FBXO7: variants seen among roughly 807,000 people sequenced by gnomAD.
FBXO7 encodes the protein F-box only protein 7.
A neutral mutation model predicts 50.2 loss-of-function variants in FBXO7; 31 were observed. The ratio of observed to expected loss-of-function variants is 0.62; its 90% CI spans 0.46 to 0.83. The LOEUF is 0.83. Ranked by LOEUF, FBXO7 falls within the 40% of genes least tolerant of loss-of-function variation. The pLI is 0.00. For missense variants in FBXO7, 667 were observed against 646.6 expected (o/e 1.03, Z -0.34); for synonymous variants, 256 against 253.1 (o/e 1.01, Z -0.11).
rs2057593612 is a variant in FBXO7 at position 32,498,537 on chromosome 22, T to C, written c.*7T>C. ...CCGGCTGTCATTCATGTGATTGATT[T>C]GTAATTTCATTTCTGGAGCTCCATT... On this transcript the variant is annotated 3_prime_UTR_variant, in exon 9 of 9. Coordinates refer to ENST00000266087, the MANE Select transcript of FBXO7 (RefSeq NM_012179.4). 1 of 1,610,948 alleles carries C rather than the reference T, an allele frequency of 6.2e-7. No individual in the cohort carries two copies. Among genetic ancestry groups the C allele is most frequent in the African/African-American group, 1.3e-5 (1 of 74,938 alleles).
intron 7 of FBXO7, among the ~76,000 whole-genome samples, chr22:32,494,172 T>C (rs116170137): frequency 0.012 from 1,756 of 151,972 alleles, 47 homozygotes; most frequent in African/African-American, 0.041. Context: ...TTTTTTTTCT[T>C]TTAAAATTTC....
rs542428529 is a variant in FBXO7 at position 32,475,627 on chromosome 22, T to C, written c.122+503T>C. The C allele has an allele frequency of 5.5e-6, 3 of 544,008 alleles. No individual in the cohort carries two copies. The African/African-American group carries it at 6.0e-5, about 11-fold the overall frequency. The allele number at this position is 544,008 out of a possible 1,614,324, so 33.7% of individuals were successfully genotyped here. A position where few individuals can be genotyped will look rare whatever the true frequency, so the allele number is the denominator to read the frequency against. On this transcript the variant is annotated intron_variant, in intron 1 of 8. Transcript: ENST00000266087. ...TCTGCCCTCAATCCGAGGCCACCGGTAGCTTGTATCGCTGCTGTGAAGCGG... is the reference window on the plus strand; with the variant it reads ...TCTGCCCTCAATCCGAGGCCACCGGCAGCTTGTATCGCTGCTGTGAAGCGG...
At chr22:32,475,387 G>C (rs1240466415) in intron 1 of FBXO7, 3 of 1,611,660 alleles carry the variant, frequency 1.9e-6, no homozygotes, top group Non-Finnish European at 2.5e-6. Context: ...GGGGGCTCTG[G>C]TCCCCTCCTC....
chr22:32,484,095 C>G lies in FBXO7; in HGVS notation c.616C>G (p.Leu206Val), dbSNP rs987453630. The G allele has an allele frequency of 1.2e-6, 2 of 1,614,172 alleles. No homozygotes were observed. The highest frequency in any genetic ancestry group is 3.3e-5 in the Admixed American group (2 of 60,020). The change falls in exon 3 of 9, where the codon CTC becomes GTC. Residue 206 changes from leucine to valine, a missense_variant. Coordinates refer to ENST00000266087, the MANE Select transcript of FBXO7 (RefSeq NM_012179.4). ...TGCCTTGATAGTGTTGATACATCTT[C>G]TCATGTTGGAGTCAGGTTACATACC... ...NDALIVLIHL[L>V]MLESGYIPQG...
chr22:32,478,175 G>A (rs1345238442), intron 1 of FBXO7: 2 of 152,320 alleles, frequency 1.3e-5, no homozygotes, highest in Non-Finnish European at 2.9e-5. Context: ...GGCACAGGAT[G>A]CAGTAGGAGA....
At chr22:32,488,258 A>G (rs553669233) in intron 5 of FBXO7, 6 of 168,108 alleles carry the variant, frequency 3.6e-5, no homozygotes, top group African/African-American at 1.4e-4. Context: ...ACTACAATCA[A>G]AATGTTTGTT....
chr22:32,481,859 G>A (rs908845112), intron 2 of FBXO7, among the ~76,000 whole-genome samples: 2 of 145,444 alleles, frequency 1.4e-5, no homozygotes, highest in Non-Finnish European at 3.0e-5. Flanking sequence ...AAAATGATCT[G>A]TTTAGAGAGG....
chr22:32,494,160 A>T (rs1394735196), intron 7 of FBXO7, among the ~76,000 whole-genome samples: 3 of 149,010 alleles, frequency 2.0e-5, no homozygotes, highest in Non-Finnish European at 4.5e-5. Flanking sequence ...GATTGCTAAA[A>T]TTTTTTTTTC....
chr22:32,485,032 C>T (rs1568974882), intron 3 of FBXO7, 36 bp from the exon 4 acceptor site: 1 of 1,613,794 alleles, frequency 6.2e-7, no homozygotes, highest in South Asian at 1.1e-5. Flanking sequence ...TAACACCTTT[C>T]TTCATTATTT....
At chr22:32,494,526 G>A (rs932240292) in intron 7 of FBXO7, among the ~76,000 whole-genome samples, 1 of 151,914 alleles carries the variant, frequency 6.6e-6, no homozygotes, top group East Asian at 1.9e-4. Context: ...TTGTTTGTTT[G>A]TTTGTTTTTA....
At chr22:32,480,932 A>G (rs1292737332) in intron 2 of FBXO7, among the ~76,000 whole-genome samples, 1 of 152,108 alleles carries the variant, frequency 6.6e-6, no homozygotes, top group Non-Finnish European at 1.5e-5. Context: ...ACCCAAAGTA[A>G]TGGGATTACA....
chr22:32,496,054 C>T (rs2057572289), intron 8 of FBXO7, among the ~76,000 whole-genome samples: 1 of 152,186 alleles, frequency 6.6e-6, no homozygotes, highest in South Asian at 2.1e-4. Flanking sequence ...CCATCTATTT[C>T]ATAGCTAGAG....
chr22:32,493,221 C>A lies in FBXO7; in HGVS notation c.1084C>A (p.Leu362Ile), dbSNP rs1323447609. The A allele has an allele frequency of 1.2e-6, 2 of 1,614,146 alleles. No individual in the cohort carries two copies. Among genetic ancestry groups the A allele is most frequent in the Non-Finnish European group, 1.7e-6 (2 of 1,180,000 alleles). Residue 362 changes from leucine to isoleucine, a missense_variant, in exon 7 of 9, where the codon CTC (leucine) becomes ATC (isoleucine). Leu to Ile is a conservative substitution (Grantham distance 5, BLOSUM62 2). Transcript: ENST00000266087. ...GTCTTTGTCTGCGGTTTGTCGTGAC[C>A]TCTTTACTGCTTCAAATGACCCACT... Reference protein sequence around the residue: ...VLSLSAVCRDLFTASNDPLLW... With the variant: ...VLSLSAVCRDIFTASNDPLLW...
At chr22:32,475,970 C>T (rs1330738778) in intron 1 of FBXO7, 2 of 152,124 alleles carry the variant, frequency 1.3e-5, no homozygotes, top group African/African-American at 4.8e-5. Context: ...AAGAGTGGTC[C>T]TCTTCAAATA....
chr22:32,478,089 G>C (rs2057440301), intron 1 of FBXO7: 1 of 152,304 alleles, frequency 6.6e-6, no homozygotes, highest in Non-Finnish European at 1.5e-5. Context: ...AGGCCCGAAG[G>C]CTGCAATGAA....
At chr22:32,488,685 T>G (rs932074237) in intron 5 of FBXO7, 3 of 152,250 alleles carry the variant, frequency 2.0e-5, no homozygotes, top group African/African-American at 7.2e-5. Context: ...TTCTTGTTCA[T>G]TCCTAGGGGA....
intron 2 of FBXO7, among the ~76,000 whole-genome samples, chr22:32,479,833 A>G (rs1016188732): frequency 4.6e-5 from 7 of 152,076 alleles, no homozygotes; most frequent in South Asian, 2.1e-4. Flanking sequence ...CTTGACTTCT[A>G]TTATTGTTCC....
intron 8 of FBXO7, among the ~76,000 whole-genome samples, chr22:32,496,499 AC>A (rs1444023470): frequency 2.0e-5 from 3 of 152,170 alleles, no homozygotes; most frequent in African/African-American, 7.2e-5. Flanking sequence ...AAACAAAAAA[AC>A]AACAAAAAAA....
intron 2 of FBXO7, among the ~76,000 whole-genome samples, chr22:32,481,040 C>G (rs2057461492): frequency 6.6e-6 from 1 of 152,102 alleles, no homozygotes; most frequent in Admixed American, 6.6e-5. Flanking sequence ...CACATGCCTT[C>G]TTGTTAATTG....
Sources: gnomAD v4.1 joint callset for allele counts (sites outside exome capture counted in the v4.1 genomes callset) on GRCh38, gnomAD v4.1.1 for gene constraint, MANE v1.5 for transcripts, NCBI Gene and HGNC (gene_info 2026-07-23, HGNC 2026-07-21) for gene names.